TAOK1: variants seen among roughly 807,000 people sequenced by gnomAD.
TAOK1 encodes the protein TAO kinase 1.
TAOK1 carries 21 observed loss-of-function variants against 138.3 expected under a neutral mutation model. The ratio of observed to expected loss-of-function variants is 0.15; its 90% CI spans 0.11 to 0.22. TAOK1 has a LOEUF of 0.22. Among genes scored for constraint, TAOK1 ranks in the 10% least tolerant of loss-of-function variants. The pLI, the probability that TAOK1 is intolerant of heterozygous loss-of-function variation, is 1.00. For synonymous variants in TAOK1, 361 were observed against 398.4 expected, an observed-to-expected ratio of 0.91 and a Z score of 1.12; for missense variants, 651 against 1,227.7, an observed-to-expected ratio of 0.53 and a Z score of 7.02.
intron 17 of TAOK1, among the ~76,000 whole-genome samples, chr17:29,524,602 T>C (rs1339749032): frequency 2.0e-5 from 3 of 152,206 alleles, no homozygotes; most frequent in Non-Finnish European, 2.9e-5. Context: ...AAAATCACCA[T>C]TTTCCTCATA....
intron 1 of TAOK1, among the ~76,000 whole-genome samples, chr17:29,437,064 G>C (rs1181369990): frequency 6.6e-6 from 1 of 151,818 alleles, no homozygotes; most frequent in African/African-American, 2.4e-5. Context: ...TTTTTTGTTT[G>C]TTTGTTTGTT....
chr17:29,422,557 CAG>C (rs1905487479), intron 1 of TAOK1, among the ~76,000 whole-genome samples: 1 of 152,146 alleles, frequency 6.6e-6, no homozygotes, highest in South Asian at 2.1e-4. Flanking sequence ...TATGTTTTTT[CAG>C]AGACTCTCCA....
At chr17:29,503,253 G>A (rs1380851028) in intron 13 of TAOK1, among the ~76,000 whole-genome samples, 2 of 151,904 alleles carry the variant, frequency 1.3e-5, no homozygotes, top group African/African-American at 4.8e-5. Flanking sequence ...AAAATTAGCC[G>A]GGCGTGGTGG....
At chr17:29,450,665 C>T (rs1244208179) in intron 1 of TAOK1, among the ~76,000 whole-genome samples, 1 of 152,140 alleles carries the variant, frequency 6.6e-6, no homozygotes, top group African/African-American at 2.4e-5. Context: ...GTGCATGACA[C>T]CACTCTTGGC....
intron 1 of TAOK1, among the ~76,000 whole-genome samples, chr17:29,398,432 C>T (rs772834035): frequency 2.0e-5 from 3 of 152,168 alleles, no homozygotes; most frequent in East Asian, 1.9e-4. Flanking sequence ...GTCATGAACT[C>T]GTGACCTCAG....
At chr17:29,412,843 C>T (rs1188902576) in intron 1 of TAOK1, among the ~76,000 whole-genome samples, 1 of 152,150 alleles carries the variant, frequency 6.6e-6, no homozygotes, top group African/African-American at 2.4e-5. Context: ...CTGTATTAGA[C>T]CGTAGTAGAA....
At chr17:29,411,042 C>G (rs192405448) in intron 1 of TAOK1, among the ~76,000 whole-genome samples, 3 of 149,538 alleles carry the variant, frequency 2.0e-5, no homozygotes, top group African/African-American at 7.4e-5. Context: ...TATGTAATAT[C>G]TGATTTTTTA....
At chr17:29,437,719 T>C (rs1185988901) in intron 1 of TAOK1, among the ~76,000 whole-genome samples, 1 of 148,142 alleles carries the variant, frequency 6.8e-6, no homozygotes, top group African/African-American at 2.5e-5. Flanking sequence ...CCTTTTGAAC[T>C]GCCTTTATAT....
chr17:29,529,411 G>T (rs112319863), intron 17 of TAOK1, among the ~76,000 whole-genome samples: 101 of 152,268 alleles, frequency 6.6e-4, no homozygotes, highest in African/African-American at 2.4e-3. Flanking sequence ...GCAACATAGG[G>T]AAACTCCATC....
At position 29,543,166 on chromosome 17, in the gene TAOK1, G is replaced by A. The variant is rs1165177225; in HGVS notation, c.*144G>A. 17 of 742,670 alleles carry A rather than the reference G, an allele frequency of 2.3e-5. 1 individual carries two copies. The highest frequency in any genetic ancestry group is 3.3e-5 in the Non-Finnish European group (16 of 480,610). 46.0% of individuals were successfully genotyped at this position (742,670 alleles called of 1,614,324 possible). A position where few individuals can be genotyped will look rare whatever the true frequency, so the allele number is the denominator to read the frequency against. ...TATATTTTATTCATTTTTGTAAAGC[G>A]TTCTGTTTTGTGTTTACTAATTGGG... On this transcript the variant is annotated 3_prime_UTR_variant, in exon 20 of 20. Coordinates refer to ENST00000261716, the MANE Select transcript of TAOK1 (RefSeq NM_020791.4).
rs779684261 is a variant in TAOK1, at chr17:29,543,068, GA to G, written c.*49del. The G allele has an allele frequency of 5.4e-6, 8 of 1,475,806 alleles. No homozygotes were observed. In the Admixed American group the frequency reaches 1.7e-4, roughly 32 times the overall value. 91.4% of individuals were successfully genotyped at this position (1,475,806 alleles called of 1,614,324 possible). On this transcript the variant is annotated 3_prime_UTR_variant, in exon 20 of 20. Coordinates refer to ENST00000261716, the MANE Select transcript of TAOK1 (RefSeq NM_020791.4). ...ATTCCGCTGGAGCTGTCTGCCAAAA[GA>G]AACTGCCTACAGACATCATCACAGC... is the stretch of plus-strand genomic sequence containing the variant.
At chr17:29,540,486 T>C (rs2032297129) in intron 19 of TAOK1, among the ~76,000 whole-genome samples, 1 of 152,164 alleles carries the variant, frequency 6.6e-6, no homozygotes, top group Non-Finnish European at 1.5e-5. Context: ...TGCCTCAGAC[T>C]CCTGAGTAGC....
intron 12 of TAOK1, among the ~76,000 whole-genome samples, chr17:29,500,508 C>G (rs1029931436): frequency 6.6e-6 from 1 of 151,756 alleles, no homozygotes; most frequent in African/African-American, 2.4e-5. Flanking sequence ...TTTGGGAGGC[C>G]GAGGCAGGCG....
intron 17 of TAOK1, among the ~76,000 whole-genome samples, chr17:29,525,922 A>G (rs913310182): frequency 6.6e-6 from 1 of 152,112 alleles, no homozygotes; most frequent in Non-Finnish European, 1.5e-5. Flanking sequence ...ACTTGAACCC[A>G]GGAGGCGGAG....
At chr17:29,518,877 C>T (rs1233609059) in intron 16 of TAOK1, among the ~76,000 whole-genome samples, 1 of 152,102 alleles carries the variant, frequency 6.6e-6, no homozygotes, top group East Asian at 1.9e-4. Context: ...AGCAATTCTC[C>T]TGCCTCAGCC....
chr17:29,400,199 T>C (rs1904793316), intron 1 of TAOK1, among the ~76,000 whole-genome samples: 1 of 151,928 alleles, frequency 6.6e-6, no homozygotes, highest in Admixed American at 6.6e-5. Context: ...TTCAAGACCA[T>C]CCTGGCCAAA....
chr17:29,505,776 A>T (rs185509314), intron 13 of TAOK1, among the ~76,000 whole-genome samples: 6 of 152,254 alleles, frequency 3.9e-5, no homozygotes, highest in Admixed American at 3.9e-4. Context: ...TCTACTAAAA[A>T]TACAAAAAAT....
At chr17:29,402,978 A>C (rs1172948620) in intron 1 of TAOK1, among the ~76,000 whole-genome samples, 1 of 150,754 alleles carries the variant, frequency 6.6e-6, no homozygotes, top group African/African-American at 2.4e-5. Context: ...ATCAAGACAG[A>C]GCAAAACTTA....
chr17:29,522,149 T>A (rs1313628428), intron 16 of TAOK1, 131 bp from the exon 17 acceptor site: 1 of 1,218,026 alleles, frequency 8.2e-7, no homozygotes, highest in Non-Finnish European at 1.1e-6. Flanking sequence ...ACAACCCTCT[T>A]ATTTACTATG....
Sources: allele counts gnomAD v4.1 joint callset (sites outside exome capture counted in the v4.1 genomes callset), GRCh38; gene constraint gnomAD v4.1.1; transcripts MANE v1.5; gene names NCBI Gene and HGNC (gene_info 2026-07-23, HGNC 2026-07-21).